Variants in CERK observed in about 807,000 individuals in gnomAD.
CERK encodes acylsphingosine kinase.
Under a neutral mutation model 63.4 loss-of-function variants are expected in CERK, and 39 were observed. The observed-to-expected ratio is 0.61, with a 90% confidence interval of 0.48 to 0.80. The LOEUF is 0.80. Among genes scored for constraint, CERK ranks in the 30% least tolerant of loss-of-function variants. The probability of loss-of-function intolerance (pLI) is 0.00; values close to 1 mark genes in which losing one functional copy is unlikely to be tolerated. For synonymous variants in CERK, 302 were observed against 280.0 expected (o/e 1.08, Z -0.78); for missense variants, 670 against 714.1 (o/e 0.94, Z 0.70).
chr22:46,703,154 C>T (rs1009063343), intron 6 of CERK, among the ~76,000 whole-genome samples: 2 of 152,174 alleles, frequency 1.3e-5, no homozygotes, highest in Admixed American at 6.5e-5. Context: ...TCTCTTCTTC[C>T]TATCAATTTG....
Position 46,691,783 on chromosome 22 carries a change from G to A in CERK, c.1127-6C>T. Reference sequence around the variant, plus strand: ...TTGCCACTCCTCCACGTCCTCTGAAGCACAAAGAACCACGGAGATGTCACA... The same window carrying A: ...TTGCCACTCCTCCACGTCCTCTGAAACACAAAGAACCACGGAGATGTCACA... On this transcript the variant is annotated splice_polypyrimidine_tract_variant and splice_region_variant and intron_variant, in intron 10 of 12. Transcript: ENST00000216264. 2 of 1,605,068 alleles carry A rather than the reference G, an allele frequency of 1.2e-6. No individual in the cohort carries two copies. The highest frequency in any genetic ancestry group is 2.2e-5 in the South Asian group (2 of 90,714).
intron 1 of CERK, among the ~76,000 whole-genome samples, chr22:46,728,780 A>G (rs1270450897): frequency 2.0e-5 from 3 of 152,226 alleles, no homozygotes; most frequent in African/African-American, 7.2e-5. Context: ...AGCTGGGTTT[A>G]TCTCCAGCTC....
At chr22:46,708,412 G>C (rs2082824493) in intron 5 of CERK, among the ~76,000 whole-genome samples, 1 of 152,230 alleles carries the variant, frequency 6.6e-6, no homozygotes, top group Non-Finnish European at 1.5e-5. Flanking sequence ...GTCTGCGCGG[G>C]GACGTTTCTC....
In CERK at chr22:46,695,228, C is replaced by A; in HGVS notation, c.1031G>T (p.Arg344Met). The A allele has an allele frequency of 6.3e-7, 1 of 1,595,068 alleles. No homozygotes were observed. Among genetic ancestry groups the A allele is most frequent in the South Asian group, 1.1e-5 (1 of 90,410 alleles). ...AQHTVGSPRDRKPCRAGCFVC... is the reference protein window; with the variant it reads ...AQHTVGSPRDMKPCRAGCFVC... ...CACTTACCCTGCCCGGCAGGGCTTC[C>A]TATCCCTTGGAGATCCCACCGTGTG... Residue 344 changes from arginine (R) to methionine (M), a missense_variant, in exon 9 of 13, where the codon AGG (arginine) becomes ATG (methionine). Coordinates refer to ENST00000216264, the MANE Select transcript of CERK (RefSeq NM_022766.6).
intron 6 of CERK, among the ~76,000 whole-genome samples, chr22:46,705,001 A>T (rs555630115): frequency 6.6e-6 from 1 of 152,332 alleles, no homozygotes; most frequent in African/African-American, 2.4e-5. Flanking sequence ...AAATAAAGAT[A>T]GTGAATAAGG....
chr22:46,736,478 C>T (rs1237526716), intron 1 of CERK, among the ~76,000 whole-genome samples: 2 of 152,194 alleles, frequency 1.3e-5, no homozygotes, highest in Non-Finnish European at 2.9e-5. Context: ...GGAACCCATC[C>T]GGTTTGAAGC....
intron 8 of CERK, among the ~76,000 whole-genome samples, chr22:46,697,784 C>T (rs781101332): frequency 6.6e-6 from 1 of 152,216 alleles, no homozygotes. Context: ...GGATTACAGG[C>T]GTGAGCCACT....
At position 46,686,169 on chromosome 22, in the gene CERK, T is replaced by TA. The variant is rs2082700101; in HGVS notation, c.*964dup. 6.6e-6 allele frequency: 1 copy of TA among 151,894 alleles called. No homozygotes were observed. Among genetic ancestry groups the TA allele is most frequent in the Non-Finnish European group, 1.5e-5 (1 of 67,982 alleles). 9.4% of individuals were successfully genotyped at this position (151,894 alleles called of 1,614,324 possible). A position where few individuals can be genotyped will look rare whatever the true frequency, so the allele number is the denominator to read the frequency against. ...AGACGCAGTTTACACTACTCTGGCT[T>TA]AAAAGGACAAGATGTTCAATAAATA... is the stretch of plus-strand genomic sequence containing the variant. On this transcript the variant is annotated 3_prime_UTR_variant, in exon 13 of 13. Transcript: ENST00000216264.
chr22:46,709,057 TG>T (rs2082827581), intron 5 of CERK, among the ~76,000 whole-genome samples: 1 of 152,152 alleles, frequency 6.6e-6, no homozygotes, highest in Non-Finnish European at 1.5e-5. Context: ...GAAGGCTCTT[TG>T]CCCTTCCCCG....
At chr22:46,701,607 C>G in intron 7 of CERK, 29 bp downstream of exon 7, 13 of 1,544,832 alleles carry the variant, frequency 8.4e-6, no homozygotes, top group Non-Finnish European at 7.9e-6. Context: ...CCGGCTGCCA[C>G]CGTGCGCATG....
intron 11 of CERK, 128 bp downstream of exon 11, chr22:46,691,444 T>TA (rs963778619): frequency 0.014 from 8,274 of 601,054 alleles, no homozygotes; most frequent in South Asian, 0.018. Context: ...TTTGTGAAAT[T>TA]AAAAAAAAAA....
chr22:46,699,236 G>A (rs2146551473), intron 8 of CERK, 77 bp downstream of exon 8: 1 of 1,465,724 alleles, frequency 6.8e-7, no homozygotes, highest in East Asian at 2.3e-5. Context: ...GGTGCTCAGT[G>A]GATTCAGTCA....
chr22:46,735,630 T>C (rs764654576), intron 1 of CERK: 8 of 152,428 alleles, frequency 5.2e-5, no homozygotes, highest in Non-Finnish European at 8.8e-5. Context: ...TCCTGCCTCA[T>C]CTCACAGGTC....
chr22:46,709,219 C>T lies in CERK; in HGVS notation c.570-1231G>A, dbSNP rs530218718. Among the ~76,000 whole-genome samples, 174 of 152,362 alleles carry T rather than the reference C, an allele frequency of 1.1e-3. 1 individual carries two copies. Among genetic ancestry groups the T allele is most frequent in the Middle Eastern group, 3.4e-3 (1 of 294 alleles). On this transcript the variant is annotated intron_variant, in intron 5 of 12. Coordinates refer to ENST00000216264, the MANE Select transcript of CERK (RefSeq NM_022766.6). ...CCGCAGGAAGAGCAGCCCTCACTGG[C>T]CAGGCCTCCCAGCCTCCTGCACGGC... is the stretch of plus-strand genomic sequence containing the variant.
chr22:46,692,570 C>T (rs1017333023), intron 10 of CERK, among the ~76,000 whole-genome samples: 1 of 151,870 alleles, frequency 6.6e-6, no homozygotes, highest in Non-Finnish European at 1.5e-5. Context: ...CCACTGCAAT[C>T]CAGCCTGGGT....
intron 12 of CERK, among the ~76,000 whole-genome samples, chr22:46,687,652 A>AC (rs2082709850): frequency 6.8e-6 from 1 of 147,166 alleles, no homozygotes; most frequent in Non-Finnish European, 1.5e-5. Flanking sequence ...GTGCGGGGCG[A>AC]CTCAATGCGT....
rs1287853514 is a variant in CERK, at chr22:46,711,067, T to C, written c.569+19A>G. Reference sequence around the variant, plus strand: ...TCATTAACAATGGACTTGATGGCGATGAAAGACGGCTTACTCACCCGTCGT... The same window carrying C: ...TCATTAACAATGGACTTGATGGCGACGAAAGACGGCTTACTCACCCGTCGT... On this transcript the variant is annotated intron_variant, in intron 5 of 12. Coordinates refer to ENST00000216264, the MANE Select transcript of CERK (RefSeq NM_022766.6). The C allele has an allele frequency of 6.2e-7, 1 of 1,605,040 alleles. No homozygotes were observed. The highest frequency in any genetic ancestry group is 8.5e-7 in the Non-Finnish European group (1 of 1,172,384).
chr22:46,706,445 G>A (rs1389763834), intron 6 of CERK, among the ~76,000 whole-genome samples: 1 of 152,208 alleles, frequency 6.6e-6, no homozygotes, highest in East Asian at 1.9e-4. Flanking sequence ...GTTTATCTGA[G>A]AGACTTGTTA....
chr22:46,710,989 G>A (rs1010986807), intron 5 of CERK, 97 bp downstream of exon 5: 12 of 927,830 alleles, frequency 1.3e-5, no homozygotes, highest in Non-Finnish European at 1.7e-5. Flanking sequence ...GTGGAGGCGG[G>A]GGGCGGATTT....
Sources: allele counts gnomAD v4.1 joint callset (sites outside exome capture counted in the v4.1 genomes callset), GRCh38; gene constraint gnomAD v4.1.1; transcripts MANE v1.5; gene names NCBI Gene and HGNC (gene_info 2026-07-23, HGNC 2026-07-21).